FNDC1: variants seen among roughly 807,000 people sequenced by gnomAD.
FNDC1 encodes fibronectin type III domain containing 1, also known as fibronectin type III domain-containing protein 1.
A neutral mutation model predicts 168.0 loss-of-function variants in FNDC1; 96 were observed. The ratio of observed to expected loss-of-function variants is 0.57; its 90% CI spans 0.48 to 0.68. The LOEUF (loss-of-function observed/expected upper bound fraction) is 0.68. FNDC1 is among the 30% of genes least tolerant of loss of function. FNDC1 has a pLI of 0.00. For synonymous variants in FNDC1, 1,099 were observed against 1,025.9 expected (o/e 1.07, Z -1.36); for missense variants, 2,587 against 2,482.1 (o/e 1.04, Z -0.90).
chr6:159,196,739 A>G (rs548487006), intron 1 of FNDC1, among the ~76,000 whole-genome samples: 2 of 152,350 alleles, frequency 1.3e-5, no homozygotes, highest in Admixed American at 1.3e-4. Flanking sequence ...TTGTTTGACA[A>G]AATGTTATGT....
chr6:159,228,261 C>T (rs1782997831), intron 9 of FNDC1, among the ~76,000 whole-genome samples: 1 of 152,098 alleles, frequency 6.6e-6, no homozygotes, highest in South Asian at 2.1e-4. Flanking sequence ...TATCTTAAGC[C>T]TGCTTAGGTC....
chr6:159,233,375 A>G lies in FNDC1; in HGVS notation c.2863A>G (p.Ser955Gly). 1 of 1,613,772 alleles carries G rather than the reference A, an allele frequency of 6.2e-7. No individual in the cohort carries two copies. The highest frequency in any genetic ancestry group is 1.7e-4 in the Middle Eastern group (1 of 6,060). Reference protein sequence around the residue: ...LASKAQDVQQSTDADTEGHSP... With the variant: ...LASKAQDVQQGTDADTEGHSP... ...CTCCAAGGCTCAGGATGTTCAACAG[A>G]GCACAGACGCGGACACGGAGGGTCA... Residue 955 changes from serine (S) to glycine (G), a missense_variant, in exon 11 of 23, where the codon AGC becomes GGC. Transcript: ENST00000297267. This position sits in a 1 kb window ranked among gnomAD's most constrained non-coding sequence, Gnocchi z 4.6.
intron 21 of FNDC1, 150 bp downstream of exon 21, chr6:159,266,395 G>C: frequency 1.2e-6 from 1 of 844,530 alleles, no homozygotes; most frequent in Non-Finnish European, 1.9e-6. Context: ...CAATTTTACA[G>C]ATTCTACTTT....
intron 2 of FNDC1, among the ~76,000 whole-genome samples, chr6:159,198,330 G>A (rs1261461567): frequency 1.3e-5 from 2 of 152,136 alleles, no homozygotes; most frequent in East Asian, 1.9e-4. Flanking sequence ...TTAGGAAACA[G>A]GTCTCCTCTT....
At chr6:159,177,965 A>T (rs1781800237) in intron 1 of FNDC1, among the ~76,000 whole-genome samples, 1 of 152,204 alleles carries the variant, frequency 6.6e-6, no homozygotes, top group South Asian at 2.1e-4. Context: ...TAATTTTGAG[A>T]TAGTCATAGA....
chr6:159,230,405 T>C (rs991718391), intron 10 of FNDC1, among the ~76,000 whole-genome samples: 2 of 152,132 alleles, frequency 1.3e-5, no homozygotes, highest in African/African-American at 4.8e-5. Flanking sequence ...AGGAGACGGG[T>C]GAGGGTTAAA....
At position 159,239,528 on chromosome 6, in the gene FNDC1, AC is replaced by A; in HGVS notation, c.4197del (p.Val1400TrpfsTer2). 6.3e-7 allele frequency: 1 copy of A among 1,589,068 alleles called. No homozygotes were observed. Among genetic ancestry groups the A allele is most frequent in the African/African-American group, 1.4e-5 (1 of 74,064 alleles). On this transcript the variant is annotated frameshift_variant, in exon 14 of 23. Transcript: ENST00000297267. LOFTEE classifies it high-confidence loss of function. ...TGATTTTGTTTCAGATCTGGAAGGG[AC>A]CCCCGTGGTGAGTCCTGACGGCCTC... ...DGRTIVDLEG[T>X]PVVSPDGLPL... is the part of the protein sequence containing the mutation.
chr6:159,185,103 T>G (rs932864813), intron 1 of FNDC1, among the ~76,000 whole-genome samples: 1 of 148,904 alleles, frequency 6.7e-6, no homozygotes, highest in Admixed American at 6.7e-5. Context: ...TCTGAAACGG[T>G]AGCTTTTGCT....
chr6:159,252,083 A>G (rs931387582), intron 17 of FNDC1, among the ~76,000 whole-genome samples: 4 of 152,172 alleles, frequency 2.6e-5, no homozygotes, highest in African/African-American at 7.2e-5. Flanking sequence ...GGAGGTGATG[A>G]AAAAATGCCC....
chr6:159,201,030 C>T (rs1441237817), intron 4 of FNDC1, among the ~76,000 whole-genome samples: 1 of 152,238 alleles, frequency 6.6e-6, no homozygotes, highest in African/African-American at 2.4e-5. Context: ...AGACGACCTA[C>T]CTTCCATCTC....
intron 1 of FNDC1, among the ~76,000 whole-genome samples, chr6:159,173,266 C>T (rs1345434167): frequency 1.6e-5 from 2 of 121,968 alleles, no homozygotes; most frequent in Non-Finnish European, 1.8e-5. Flanking sequence ...CTCTGGGGGC[C>T]TTGGGCTAGT....
chr6:159,175,489 C>G (rs868799168), intron 1 of FNDC1, among the ~76,000 whole-genome samples: 34 of 152,214 alleles, frequency 2.2e-4, no homozygotes, highest in African/African-American at 8.0e-4. Context: ...AGTGCCAACA[C>G]TCACATCTTT....
intron 4 of FNDC1, among the ~76,000 whole-genome samples, chr6:159,202,068 C>G (rs1782392240): frequency 6.6e-6 from 1 of 152,180 alleles, no homozygotes; most frequent in African/African-American, 2.4e-5. Flanking sequence ...GATTATTGAA[C>G]TTCTATCTGC....
chr6:159,206,196 T>A (rs1782484142), intron 4 of FNDC1, among the ~76,000 whole-genome samples: 1 of 152,264 alleles, frequency 6.6e-6, no homozygotes, highest in Non-Finnish European at 1.5e-5. Flanking sequence ...ACCAGACTCG[T>A]GCTTAACATG....
intron 6 of FNDC1, among the ~76,000 whole-genome samples, chr6:159,223,139 G>A (rs1200845665): frequency 1.3e-5 from 2 of 151,806 alleles, no homozygotes; most frequent in African/African-American, 4.8e-5. Flanking sequence ...GGGACTACAG[G>A]CACCCGCCAC....
At chr6:159,254,302 G>T (rs1026984377) in intron 17 of FNDC1, among the ~76,000 whole-genome samples, 1 of 152,038 alleles carries the variant, frequency 6.6e-6, no homozygotes, top group African/African-American at 2.4e-5. Context: ...TTTTCCTCTT[G>T]CTCTGTCTTC....
At chr6:159,196,141 A>G (rs1404579446) in intron 1 of FNDC1, among the ~76,000 whole-genome samples, 1 of 152,188 alleles carries the variant, frequency 6.6e-6, no homozygotes, top group Non-Finnish European at 1.5e-5. Flanking sequence ...AAATTTCCCA[A>G]AGAGCATGAG....
At chr6:159,269,257 C>CTATCT (rs1554229873) in intron 22 of FNDC1, among the ~76,000 whole-genome samples, 1,211 of 42,280 alleles carry the variant, frequency 0.029, 66 homozygotes, top group East Asian at 0.055. Context: ...ATCCATCTAT[C>CTATCT]ATCTATCTAT....
chr6:159,202,047 A>G (rs1249480482), intron 4 of FNDC1, among the ~76,000 whole-genome samples: 1 of 152,196 alleles, frequency 6.6e-6, no homozygotes, highest in Non-Finnish European at 1.5e-5. Context: ...TATTGGTTGT[A>G]TGTATTGTGA....
Sources: allele counts gnomAD v4.1 joint callset (sites outside exome capture counted in the v4.1 genomes callset), GRCh38; gene constraint gnomAD v4.1.1; non-coding constraint Gnocchi (gnomAD v3.1); transcripts MANE v1.5; gene names NCBI Gene and HGNC (gene_info 2026-07-23, HGNC 2026-07-21).